HTR1E: variants seen among roughly 807,000 people sequenced by gnomAD.
The protein encoded by HTR1E is 5-HT-1E.
Under a neutral mutation model 3.4 loss-of-function variants are expected in HTR1E, and 3 were observed. The ratio of observed to expected loss-of-function variants is 0.89; its 90% confidence interval spans 0.41 to 2.31. The LOEUF (loss-of-function observed/expected upper bound fraction) is 2.31, where lower values mean the gene tolerates loss of function less well. Ranked by LOEUF, HTR1E falls within the 30% of genes most tolerant of loss-of-function variation. HTR1E has a pLI of 0.05. For synonymous variants in HTR1E, 170 were observed against 182.8 expected (o/e 0.93, Z 0.56); for missense variants, 392 against 467.0 (o/e 0.84, Z 1.48).
At chr6:86,947,666 T>C (rs1201851271) in intron 1 of HTR1E, among the ~76,000 whole-genome samples, 1 of 152,164 alleles carries the variant, frequency 6.6e-6, no homozygotes, top group Non-Finnish European at 1.5e-5. Context: ...CAGGAGTATG[T>C]TATATACTTT....
At chr6:87,010,388 G>A (rs1412199796) in intron 1 of HTR1E, among the ~76,000 whole-genome samples, 2 of 138,410 alleles carry the variant, frequency 1.4e-5, no homozygotes, top group Non-Finnish European at 3.1e-5. Flanking sequence ...CTCCCTCCCG[G>A]ACGGGGTGGC....
At chr6:86,948,042 C>A (rs1381441364) in intron 1 of HTR1E, among the ~76,000 whole-genome samples, 1 of 152,132 alleles carries the variant, frequency 6.6e-6, no homozygotes, top group Non-Finnish European at 1.5e-5. Flanking sequence ...TTACCCTCCA[C>A]CCCGCGACAG....
chr6:86,944,009 G>A (rs1047982609), intron 1 of HTR1E, among the ~76,000 whole-genome samples: 3 of 152,110 alleles, frequency 2.0e-5, no homozygotes, highest in Admixed American at 6.5e-5. Flanking sequence ...TTCCAAGCTC[G>A]CTCACGTGGC....
rs539169458 is a variant in HTR1E, at chr6:86,977,345, G to A, written c.-185-37805G>A. Among the ~76,000 whole-genome samples the A allele has an allele frequency of 2.6e-4, 39 of 152,266 alleles. 1 individual carries two copies. The South Asian group carries it at 8.1e-3, about 32-fold the overall frequency. On this transcript the variant is annotated intron_variant, in intron 1 of 1. Coordinates refer to ENST00000305344, the MANE Select transcript of HTR1E (RefSeq NM_000865.3). ...GATTATGGCCCCCAGCTCCATCCAT[G>A]TTGCTACAAAGGATATTATTTCATT... is the stretch of plus-strand genomic sequence containing the variant.
Position 87,015,319 on chromosome 6 carries a change from C to A in HTR1E, c.-16C>A, listed in dbSNP as rs748320417. Reference sequence around the variant, plus strand: ...ACCAACAGCTTCTCCACAGTGTAGACTGAAACAAGGGAAACATGAACATCA... The same window carrying A: ...ACCAACAGCTTCTCCACAGTGTAGAATGAAACAAGGGAAACATGAACATCA... On this transcript the variant is annotated 5_prime_UTR_variant, in exon 2 of 2. It adds an upstream start codon to the 5' untranslated region. Coordinates refer to ENST00000305344, the MANE Select transcript of HTR1E (RefSeq NM_000865.3). 3.9e-6 allele frequency: 6 copies of A among 1,529,712 alleles called. No individual in the cohort carries two copies. Among genetic ancestry groups the A allele is most frequent in the Non-Finnish European group, 5.3e-6 (6 of 1,134,926 alleles). The allele number at this position is 1,529,712 out of a possible 1,614,324, so 94.8% of individuals were successfully genotyped here.
chr6:86,943,923 G>A (rs72912444), intron 1 of HTR1E, among the ~76,000 whole-genome samples: 4,329 of 152,272 alleles, frequency 0.028, 114 homozygotes, highest in Non-Finnish European at 0.042. Flanking sequence ...CTCTGGCTCA[G>A]GTCTGTCACT....
intron 1 of HTR1E, among the ~76,000 whole-genome samples, chr6:86,978,290 A>G (rs970981607): frequency 1.6e-4 from 25 of 152,252 alleles, no homozygotes; most frequent in Admixed American, 1.6e-3. Context: ...CTTAGTTGAA[A>G]CCAGTCAGCA....
chr6:87,013,116 C>T (rs1768261864), intron 1 of HTR1E, among the ~76,000 whole-genome samples: 1 of 152,202 alleles, frequency 6.6e-6, no homozygotes, highest in South Asian at 2.1e-4. Flanking sequence ...GCTTTGGAAA[C>T]TCTTCCTGGA....
chr6:87,005,437 C>T (rs1405523232), intron 1 of HTR1E, among the ~76,000 whole-genome samples: 8 of 152,102 alleles, frequency 5.3e-5, no homozygotes, highest in Admixed American at 3.3e-4. Context: ...TAAATCCGTA[C>T]GTCTACCATG....
At chr6:87,014,130 G>T (rs1768280568) in intron 1 of HTR1E, among the ~76,000 whole-genome samples, 1 of 152,052 alleles carries the variant, frequency 6.6e-6, no homozygotes, top group South Asian at 2.1e-4. Flanking sequence ...GGACGGGGGA[G>T]TGATAGCATT....
chr6:86,978,099 A>G lies in HTR1E; in HGVS notation c.-185-37051A>G, dbSNP rs559061298. Among the ~76,000 whole-genome samples the G allele has an allele frequency of 2.6e-5, 4 of 152,312 alleles. No homozygotes were observed. The South Asian group carries it at 8.3e-4, about 32-fold the overall frequency. ...TTTTTGCTGAAGTAAATCATTCTAT[A>G]TGCTTCCTACAGATGTTATTATAGA... On this transcript the variant is annotated intron_variant, in intron 1 of 1. Transcript: ENST00000305344.
In HTR1E at chr6:87,016,429, T is replaced by G. The variant is rs1268659011; in HGVS notation, c.1095T>G (p.Thr365=). 2 of 1,585,274 alleles carry G rather than the reference T, an allele frequency of 1.3e-6. No individual in the cohort carries two copies. Among genetic ancestry groups the G allele is most frequent in the Non-Finnish European group, 1.7e-6 (2 of 1,162,730 alleles). ...AGCTCATTAGATGCCGAGAGCATAC[T>G]TAGACTGTAAAAAGCTAAAAGGCAC... ...FKKLIRCREH[T] is the part of the protein sequence containing the mutation. The change falls in exon 2 of 2, where the codon ACT becomes ACG. Residue 365 remains threonine (T), a synonymous_variant. Coordinates refer to ENST00000305344, the MANE Select transcript of HTR1E (RefSeq NM_000865.3).
At chr6:86,953,101 A>T (rs974888120) in intron 1 of HTR1E, among the ~76,000 whole-genome samples, 5 of 152,192 alleles carry the variant, frequency 3.3e-5, no homozygotes, top group Admixed American at 3.3e-4. Flanking sequence ...TAGCTTTGTT[A>T]ACTGTAGCTC....
intron 1 of HTR1E, among the ~76,000 whole-genome samples, chr6:86,978,710 T>C (rs1287128028): frequency 6.6e-6 from 1 of 152,196 alleles, no homozygotes; most frequent in Admixed American, 6.5e-5. Context: ...CAAGCAGACA[T>C]GCATGCCAAC....
At chr6:86,982,371 C>CTT (rs1562066965) in intron 1 of HTR1E, among the ~76,000 whole-genome samples, 1 of 152,118 alleles carries the variant, frequency 6.6e-6, no homozygotes. Context: ...ACCCACTCTC[C>CTT]TTTTGTCTTA....
intron 1 of HTR1E, among the ~76,000 whole-genome samples, chr6:86,973,456 C>A (rs1582267396): frequency 6.6e-6 from 1 of 152,054 alleles, no homozygotes; most frequent in African/African-American, 2.4e-5. Flanking sequence ...GCTCCATAAC[C>A]TTGCAGCCAC....
intron 1 of HTR1E, among the ~76,000 whole-genome samples, chr6:86,988,305 A>G (rs1445684978): frequency 8.5e-5 from 13 of 152,200 alleles, no homozygotes; most frequent in Admixed American, 8.5e-4. Flanking sequence ...CAAAGAACTA[A>G]CTCTGAAAAT....
chr6:86,947,319 C>A (rs1768630488), intron 1 of HTR1E, among the ~76,000 whole-genome samples: 4 of 152,112 alleles, frequency 2.6e-5, no homozygotes, highest in Non-Finnish European at 5.9e-5. Context: ...GCAAATAAAA[C>A]CAACTCTTGG....
chr6:87,015,220 T>A lies in HTR1E; in HGVS notation c.-115T>A, dbSNP rs532590467. 1 of 849,454 alleles carries A rather than the reference T, an allele frequency of 1.2e-6. No individual in the cohort carries two copies. The highest frequency in any genetic ancestry group is 3.5e-5 in the South Asian group (1 of 28,794). 52.6% of individuals were successfully genotyped at this position (849,454 alleles called of 1,614,324 possible). A position where few individuals can be genotyped will look rare whatever the true frequency, so the allele number is the denominator to read the frequency against. The stretch of plus-strand genomic sequence containing the variant: ...AGAAAATGGAACACAAGAGACCACA[T>A]AGCTGAACAAATTATAGCCTCCTTA... On this transcript the variant is annotated 5_prime_UTR_variant, in exon 2 of 2. The change abolishes the stop of an existing upstream ORF in the 5' untranslated region. Coordinates refer to ENST00000305344, the MANE Select transcript of HTR1E (RefSeq NM_000865.3).
Sources: gnomAD v4.1 joint callset for allele counts (sites outside exome capture counted in the v4.1 genomes callset) on GRCh38, gnomAD v4.1.1 for gene constraint, MANE v1.5 for transcripts, NCBI Gene and HGNC (gene_info 2026-07-23, HGNC 2026-07-21) for gene names.